The following RBMS3 variants were observed in gnomAD, a reference collection of about 807,000 sequenced individuals.
The protein encoded by RBMS3 is RNA-binding motif, single-stranded-interacting protein 3.
Under a neutral mutation model 66.8 loss-of-function variants are expected in RBMS3, and 27 were observed. That is an observed-to-expected ratio of 0.40 (90% CI 0.30 to 0.56). The LOEUF is 0.56. Ranked by LOEUF, RBMS3 falls within the 20% of genes least tolerant of loss-of-function variation. The pLI is 0.40. For synonymous variants in RBMS3, 188 were observed against 183.0 expected (o/e 1.03, Z -0.22); for missense variants, 513 against 549.5 (o/e 0.93, Z 0.66).
chr3:29,820,451 GTT>G (rs2058050340), intron 6 of RBMS3, among the ~76,000 whole-genome samples: 3 of 151,770 alleles, frequency 2.0e-5, no homozygotes, highest in Non-Finnish European at 4.4e-5. Flanking sequence ...TAGATTCCAT[GTT>G]AATTTTTCTG....
At chr3:29,314,405 G>A (rs1238573241) in intron 1 of RBMS3, among the ~76,000 whole-genome samples, 3 of 151,650 alleles carry the variant, frequency 2.0e-5, no homozygotes, top group African/African-American at 7.3e-5. Flanking sequence ...TACACATTAG[G>A]AAATTGAAGT....
chr3:29,984,326 G>A (rs1000029275), intron 12 of RBMS3, among the ~76,000 whole-genome samples: 4 of 151,698 alleles, frequency 2.6e-5, no homozygotes, highest in Non-Finnish European at 4.4e-5. Flanking sequence ...CTTTTTTCAA[G>A]TTTCTTAGCT....
intron 3 of RBMS3, among the ~76,000 whole-genome samples, chr3:29,554,862 CA>C (rs1488784490): frequency 2.6e-5 from 4 of 152,068 alleles, no homozygotes; most frequent in East Asian, 3.9e-4. Context: ...TAAAGAGTTT[CA>C]ATTCCTCTGT....
At chr3:29,410,952 C>T (rs1236721444) in intron 1 of RBMS3, among the ~76,000 whole-genome samples, 1 of 129,662 alleles carries the variant, frequency 7.7e-6, no homozygotes, top group Non-Finnish European at 1.6e-5. Context: ...TTCATGATTC[C>T]TATCCCTTTC....
At chr3:29,557,395 C>A (rs149583765) in intron 3 of RBMS3, among the ~76,000 whole-genome samples, 2 of 152,232 alleles carry the variant, frequency 1.3e-5, no homozygotes, top group Non-Finnish European at 2.9e-5. Flanking sequence ...CTTTCCATAC[C>A]CAAAGGAGTG....
intron 8 of RBMS3, among the ~76,000 whole-genome samples, chr3:29,894,979 A>C (rs1477028926): frequency 6.6e-6 from 1 of 151,510 alleles, no homozygotes; most frequent in African/African-American, 2.4e-5. Flanking sequence ...GTTCAATCCT[A>C]GTCAGCTATG....
At chr3:29,292,440 T>A (rs1047245373) in intron 1 of RBMS3, among the ~76,000 whole-genome samples, 1 of 151,910 alleles carries the variant, frequency 6.6e-6, no homozygotes, top group Non-Finnish European at 1.5e-5. Context: ...ATTTTTTTAC[T>A]TTCTTTCACA....
At chr3:29,784,781 G>T (rs117559892) in intron 6 of RBMS3, among the ~76,000 whole-genome samples, 1 of 151,878 alleles carries the variant, frequency 6.6e-6, no homozygotes, top group Non-Finnish European at 1.5e-5. Context: ...TTGATAGACC[G>T]TTAGCAAAAT....
At chr3:29,351,883 G>C (rs897517745) in intron 1 of RBMS3, among the ~76,000 whole-genome samples, 2 of 151,842 alleles carry the variant, frequency 1.3e-5, no homozygotes, top group African/African-American at 4.8e-5. Flanking sequence ...GAATACACAT[G>C]TACGTGCTCA....
At chr3:29,947,546 C>A (rs1695402913) in intron 12 of RBMS3, among the ~76,000 whole-genome samples, 1 of 151,366 alleles carries the variant, frequency 6.6e-6, no homozygotes, top group South Asian at 2.1e-4. Flanking sequence ...CCTCTTGTTG[C>A]CTACATCTCT....
intron 3 of RBMS3, among the ~76,000 whole-genome samples, chr3:29,520,915 T>G (rs1488386805): frequency 6.6e-6 from 1 of 152,146 alleles, no homozygotes; most frequent in African/African-American, 2.4e-5. Context: ...AAAACTAATA[T>G]TAACTGTTCT....
chr3:29,861,613 T>C (rs1372683362), intron 6 of RBMS3, among the ~76,000 whole-genome samples: 3 of 152,232 alleles, frequency 2.0e-5, no homozygotes, highest in African/African-American at 7.2e-5. Flanking sequence ...CTGCACGTAT[T>C]TTAAATTGTA....
intron 12 of RBMS3, among the ~76,000 whole-genome samples, chr3:29,961,704 T>C (rs951843793): frequency 6.6e-6 from 1 of 151,850 alleles, no homozygotes; most frequent in African/African-American, 2.4e-5. Flanking sequence ...TAACCCCTTA[T>C]AAAACCATTA....
intron 4 of RBMS3, chr3:29,698,749 C>A: frequency 4.8e-6 from 2 of 420,770 alleles, no homozygotes; most frequent in Non-Finnish European, 6.4e-6. Context: ...GGACACTTTA[C>A]ATAATTTATA....
intron 6 of RBMS3, among the ~76,000 whole-genome samples, chr3:29,790,340 G>A (rs562232297): frequency 6.6e-6 from 1 of 152,112 alleles, no homozygotes. Context: ...TTTGTGAGGC[G>A]TCTTTTGTAA....
intron 3 of RBMS3, among the ~76,000 whole-genome samples, chr3:29,553,169 TA>T: frequency 6.6e-6 from 1 of 152,220 alleles, no homozygotes; most frequent in East Asian, 1.9e-4. Flanking sequence ...TACTAATGTG[TA>T]TGTTAGAAAC....
intron 5 of RBMS3, among the ~76,000 whole-genome samples, chr3:29,744,026 T>G (rs1022182254): frequency 2.0e-5 from 3 of 151,696 alleles, no homozygotes; most frequent in Non-Finnish European, 4.4e-5. Context: ...ATTATTTGCA[T>G]TTCTAACAAG....
chr3:29,900,368 TTC>T lies in RBMS3; in HGVS notation c.939+619_939+620del, dbSNP rs560593432. Among the ~76,000 whole-genome samples the T allele has an allele frequency of 1.4e-4, 21 of 151,928 alleles. 1 individual carries two copies. The South Asian group carries it at 4.3e-3, about 31-fold the overall frequency. On this transcript the variant is annotated intron_variant, in intron 10 of 14. Coordinates refer to ENST00000383767, the MANE Select transcript of RBMS3 (RefSeq NM_001003793.3). ...GTTTTCTTTTTCTATAGTGGAAATT[TTC>T]TCTCTGCAAAATATTCAAATTCTCT...
At chr3:29,904,413 ATGT>A (rs2060326911) in intron 10 of RBMS3, among the ~76,000 whole-genome samples, 2 of 151,888 alleles carry the variant, frequency 1.3e-5, no homozygotes, top group Admixed American at 1.3e-4. Flanking sequence ...TACTCTACAA[ATGT>A]TGTATTATGA....
Sources: allele counts gnomAD v4.1 joint callset (sites outside exome capture counted in the v4.1 genomes callset), GRCh38; gene constraint gnomAD v4.1.1; transcripts MANE v1.5; gene names NCBI Gene and HGNC (gene_info 2026-07-23, HGNC 2026-07-21).